The following E2F3 variants were observed in gnomAD, a reference collection of about 807,000 sequenced individuals.
The protein encoded by E2F3 is transcription factor E2F3.
E2F3 carries 11 observed loss-of-function variants against 44.4 expected under a neutral mutation model. That is an observed-to-expected ratio of 0.25 (90% CI 0.16 to 0.41). The LOEUF (loss-of-function observed/expected upper bound fraction) is 0.41, where lower values mean the gene tolerates loss of function less well. Ranked by LOEUF, E2F3 falls within the 10% of genes least tolerant of loss-of-function variation. The probability of loss-of-function intolerance (pLI) is 1.00; values close to 1 mark genes in which losing one functional copy is unlikely to be tolerated. For synonymous variants in E2F3, 249 were observed against 253.0 expected, an observed-to-expected ratio of 0.98 and a Z score of 0.15; for missense variants, 487 against 583.6, an observed-to-expected ratio of 0.83 and a Z score of 1.70.
At chr6:20,480,910 T>C (rs1762202919) in intron 2 of E2F3, among the ~76,000 whole-genome samples, 1 of 152,222 alleles carries the variant, frequency 6.6e-6, no homozygotes, top group Admixed American at 6.5e-5. Context: ...GCGCCCGCTA[T>C]ATGTAAATTC....
chr6:20,466,658 C>T (rs1010073636), intron 1 of E2F3, among the ~76,000 whole-genome samples: 1 of 150,178 alleles, frequency 6.7e-6, no homozygotes, highest in Non-Finnish European at 1.5e-5. Context: ...CTTTGTTTTT[C>T]CTCTGTTTCA....
intron 1 of E2F3, among the ~76,000 whole-genome samples, chr6:20,449,476 A>G (rs906780830): frequency 6.6e-6 from 1 of 152,194 alleles, no homozygotes; most frequent in Admixed American, 6.5e-5. Context: ...ATCTTCTGCT[A>G]TTATGAAGTT....
At chr6:20,430,717 A>G (rs549151430) in intron 1 of E2F3, among the ~76,000 whole-genome samples, 7 of 152,228 alleles carry the variant, frequency 4.6e-5, no homozygotes, top group Admixed American at 1.3e-4. Context: ...AAGCAGTAGG[A>G]TTCACTTCAG....
intron 4 of E2F3, among the ~76,000 whole-genome samples, chr6:20,484,816 G>A (rs931971437): frequency 4.6e-5 from 7 of 152,070 alleles, no homozygotes; most frequent in South Asian, 4.1e-4. Context: ...AGCCAGGCAC[G>A]GTGGCTCATG....
chr6:20,465,922 T>G (rs1761688789), intron 1 of E2F3, among the ~76,000 whole-genome samples: 1 of 152,146 alleles, frequency 6.6e-6, no homozygotes, highest in Non-Finnish European at 1.5e-5. Flanking sequence ...GTGCAAATAT[T>G]TTTTTTGAAT....
chr6:20,436,898 T>A (rs1760604971), intron 1 of E2F3, among the ~76,000 whole-genome samples: 1 of 152,134 alleles, frequency 6.6e-6, no homozygotes, highest in Non-Finnish European at 1.5e-5. Flanking sequence ...GGTGGGAGGA[T>A]CACCTGAAGC....
In E2F3 at chr6:20,491,995, C is replaced by A; in HGVS notation, c.*1565C>A. ...TATGGCGTAGTATCTCCGGTCCATT[C>A]CTTGGATGCTAAGGACTGCGGGAAT... is the stretch of plus-strand genomic sequence containing the variant. On this transcript the variant is annotated 3_prime_UTR_variant, in exon 7 of 7. Transcript: ENST00000346618. 5.3e-6 allele frequency: 1 copy of A among 188,396 alleles called. No individual in the cohort carries two copies. Among genetic ancestry groups the A allele is most frequent in the Non-Finnish European group, 1.1e-5 (1 of 89,022 alleles). The allele number at this position is 188,396 out of a possible 1,614,324, so 11.7% of individuals were successfully genotyped here. A position where few individuals can be genotyped will look rare whatever the true frequency, so the allele number is the denominator to read the frequency against.
At position 20,493,564 on chromosome 6, in the gene E2F3, A is replaced by C. The variant is rs936678365; in HGVS notation, c.*3134A>C. 9.6e-6 allele frequency: 2 copies of C among 208,024 alleles called. No individual in the cohort carries two copies. The highest frequency in any genetic ancestry group is 4.6e-5 in the African/African-American group (2 of 43,536). 12.9% of individuals were successfully genotyped at this position (208,024 alleles called of 1,614,324 possible). A position where few individuals can be genotyped will look rare whatever the true frequency, so the allele number is the denominator to read the frequency against. On this transcript the variant is annotated 3_prime_UTR_variant, in exon 7 of 7. Coordinates refer to ENST00000346618, the MANE Select transcript of E2F3 (RefSeq NM_001949.5). Reference sequence around the variant, plus strand: ...GAAAATATGTAATATAATGTAAAAAAAAACAAAAAAAAGCTTTTATGATGG... The same window carrying C: ...GAAAATATGTAATATAATGTAAAAACAAACAAAAAAAAGCTTTTATGATGG...
rs76848736 is a variant in E2F3, at chr6:20,442,083, T to G, written c.394-37763T>G. Reference sequence around the variant, plus strand: ...GTCTCCTTTTGCTGTTTGCCGAGTCTGCCTGCCCCTTTGGTGTTGGCTTTG... The same window carrying G: ...GTCTCCTTTTGCTGTTTGCCGAGTCGGCCTGCCCCTTTGGTGTTGGCTTTG... On this transcript the variant is annotated intron_variant, in intron 1 of 6. Coordinates refer to ENST00000346618, the MANE Select transcript of E2F3 (RefSeq NM_001949.5). Among the ~76,000 whole-genome samples the G allele has an allele frequency of 9.1e-3, 1,392 of 152,166 alleles. 32 individuals are homozygous for G. Among genetic ancestry groups the G allele is most frequent in the African/African-American group, 0.031 (1,289 of 41,502 alleles).
At chr6:20,480,428 T>C (rs1762184480) in intron 2 of E2F3, among the ~76,000 whole-genome samples, 1 of 152,322 alleles carries the variant, frequency 6.6e-6, no homozygotes, top group African/African-American at 2.4e-5. Flanking sequence ...TACCGTTTCT[T>C]GTGGGAGAGA....
At position 20,488,096 on chromosome 6, in the gene E2F3, C is replaced by A. The variant is rs760466590; in HGVS notation, c.1000-17C>A. The A allele has an allele frequency of 4.4e-5, 71 of 1,612,408 alleles. No individual in the cohort carries two copies. Among genetic ancestry groups the A allele is most frequent in the Non-Finnish European group, 5.8e-5 (68 of 1,179,814 alleles). ...AAAAGAACTTCTGATTCGAACTTCT[C>A]CCACTTCTGTTCATAGAGCCTACAA... On this transcript the variant is annotated splice_polypyrimidine_tract_variant and intron_variant, in intron 5 of 6. Coordinates refer to ENST00000346618, the MANE Select transcript of E2F3 (RefSeq NM_001949.5).
chr6:20,416,938 T>C (rs1285277379), intron 1 of E2F3, among the ~76,000 whole-genome samples: 1 of 152,134 alleles, frequency 6.6e-6, no homozygotes, highest in East Asian at 1.9e-4. Flanking sequence ...GCCTCCTAAG[T>C]CACCACAGCA....
intron 1 of E2F3, among the ~76,000 whole-genome samples, chr6:20,467,393 CCAAAGA>C (rs1429220108): frequency 1.3e-5 from 2 of 152,164 alleles, no homozygotes; most frequent in African/African-American, 2.4e-5. Context: ...ACATTCAAAA[CCAAAGA>C]CACTGCTCCT....
At position 20,464,976 on chromosome 6, in the gene E2F3, G is replaced by A. The variant is rs572204906; in HGVS notation, c.394-14870G>A. Among the ~76,000 whole-genome samples, 4 of 152,258 alleles carry A rather than the reference G, an allele frequency of 2.6e-5. No individual in the cohort carries two copies. The East Asian group carries it at 5.8e-4, about 22-fold the overall frequency. On this transcript the variant is annotated intron_variant, in intron 1 of 6. Coordinates refer to ENST00000346618, the MANE Select transcript of E2F3 (RefSeq NM_001949.5). ...AAGAGGCACAACTTCCTTATATAAA[G>A]CCTACTTAAACATCCCAGCTTTGAT... is the stretch of plus-strand genomic sequence containing the variant.
At chr6:20,482,543 G>A (rs184069720) in intron 3 of E2F3, among the ~76,000 whole-genome samples, 608 of 147,192 alleles carry the variant, frequency 4.1e-3, no homozygotes, top group Non-Finnish European at 6.8e-3. Context: ...ATAGCAGTGC[G>A]CTTTCACTAA....
intron 1 of E2F3, among the ~76,000 whole-genome samples, chr6:20,424,302 C>T (rs897337798): frequency 1.5e-5 from 2 of 136,086 alleles, no homozygotes; most frequent in South Asian, 2.5e-4. Context: ...TAAACTAGTG[C>T]CATTTATTGG....
intron 1 of E2F3, among the ~76,000 whole-genome samples, chr6:20,478,459 A>T (rs1229880308): frequency 6.6e-6 from 1 of 152,202 alleles, no homozygotes; most frequent in Non-Finnish European, 1.5e-5. Flanking sequence ...CTGAATATCT[A>T]GCTTCCGCTG....
intron 1 of E2F3, among the ~76,000 whole-genome samples, chr6:20,462,756 C>G (rs566464914): frequency 4.1e-4 from 63 of 151,892 alleles, no homozygotes; most frequent in Middle Eastern, 6.8e-3. Context: ...CCACACCCTG[C>G]CTAGTTCACT....
At chr6:20,421,040 C>CT (rs912178995) in intron 1 of E2F3, among the ~76,000 whole-genome samples, 1 of 152,184 alleles carries the variant, frequency 6.6e-6, no homozygotes, top group Non-Finnish European at 1.5e-5. Context: ...CAAGAAATCG[C>CT]TTTATTTGCT....
Sources: allele counts gnomAD v4.1 joint callset (sites outside exome capture counted in the v4.1 genomes callset), GRCh38; gene constraint gnomAD v4.1.1; transcripts MANE v1.5; gene names NCBI Gene and HGNC (gene_info 2026-07-23, HGNC 2026-07-21).